NCAM1: variants seen among roughly 807,000 people sequenced by gnomAD.
The protein encoded by NCAM1 is antigen recognized by monoclonal antibody 5.1H11.
Under a neutral mutation model 109.8 loss-of-function variants are expected in NCAM1, and 14 were observed. The ratio of observed to expected loss-of-function variants is 0.13; its 90% CI spans 0.08 to 0.20. NCAM1 has a LOEUF of 0.20. Ranked by LOEUF, NCAM1 falls within the 10% of genes least tolerant of loss-of-function variation. NCAM1 has a pLI of 1.00. For missense variants in NCAM1, 774 were observed against 1,109.9 expected, an observed-to-expected ratio of 0.70 and a Z score of 4.30; for synonymous variants, 418 against 442.9, an observed-to-expected ratio of 0.94 and a Z score of 0.70.
At chr11:113,189,079 T>C (rs1943599297) in intron 1 of NCAM1, among the ~76,000 whole-genome samples, 1 of 152,126 alleles carries the variant, frequency 6.6e-6, no homozygotes, top group Admixed American at 6.5e-5. Flanking sequence ...ATACCAGTGA[T>C]CCAGGAATAA....
chr11:113,242,080 G>A (rs1031522723), intron 14 of NCAM1, among the ~76,000 whole-genome samples: 2 of 152,184 alleles, frequency 1.3e-5, no homozygotes, highest in Non-Finnish European at 2.9e-5. Context: ...AGGATAAGTC[G>A]CTAAGCCTCC....
intron 1 of NCAM1, among the ~76,000 whole-genome samples, chr11:113,184,014 A>G (rs1555108442): frequency 6.6e-6 from 1 of 152,240 alleles, no homozygotes; most frequent in Non-Finnish European, 1.5e-5. Flanking sequence ...CTATCATTCC[A>G]ATGGAAAGGG....
chr11:113,277,875 A>G lies in NCAM1; in HGVS notation c.*2488A>G, dbSNP rs1337521047. 1 of 153,756 alleles carries G rather than the reference A, an allele frequency of 6.5e-6. No individual in the cohort carries two copies. Among genetic ancestry groups the G allele is most frequent in the Admixed American group, 6.6e-5 (1 of 15,190 alleles). 9.5% of individuals were successfully genotyped at this position (153,756 alleles called of 1,614,324 possible). ...AAAAAAAAAAAAAAAAAAAAAAAAA[A>G]AGCAATGCTTTCTCTAAAATCAAAG... On this transcript the variant is annotated 3_prime_UTR_variant, in exon 20 of 20. Transcript: ENST00000316851.
chr11:113,248,674 C>T (rs955472787), intron 15 of NCAM1, among the ~76,000 whole-genome samples: 49 of 152,180 alleles, frequency 3.2e-4, no homozygotes, highest in South Asian at 2.1e-4. Flanking sequence ...ATATGCATAA[C>T]CTAAGCTGGA....
In NCAM1 at chr11:113,270,270, T is replaced by G. The variant is rs1442422766; in HGVS notation, c.2214T>G (p.Val738=). Residue 738 remains valine, a synonymous_variant, in exon 18 of 20, where the codon GTT becomes GTG. Coordinates refer to ENST00000316851, the MANE Select transcript of NCAM1 (RefSeq NM_181351.5). ...TCATCTTCGTCCTGCTCCTGGTGGT[T>G]GTGGACATCACCTGCTACTTCCTGA... ...LIVIFVLLLV[V]VDITCYFLNK... The G allele has an allele frequency of 1.2e-6, 2 of 1,614,064 alleles. No individual in the cohort carries two copies. Among genetic ancestry groups the G allele is most frequent in the East Asian group, 4.5e-5 (2 of 44,876 alleles).
At chr11:113,198,373 ATT>A (rs201270539) in intron 1 of NCAM1, among the ~76,000 whole-genome samples, 13,670 of 144,498 alleles carry the variant, frequency 0.095, 669 homozygotes, top group East Asian at 0.25. Flanking sequence ...TGATATTAGA[ATT>A]TTTTTTTTTT....
intron 6 of NCAM1, 130 bp from the exon 7 acceptor site, chr11:113,207,703 C>G: frequency 1.0e-6 from 1 of 988,030 alleles, no homozygotes. Flanking sequence ...CAACTTGGTG[C>G]CTTAACTTTT....
chr11:113,015,758 A>C (rs1952191653), intron 1 of NCAM1, among the ~76,000 whole-genome samples: 1 of 152,166 alleles, frequency 6.6e-6, no homozygotes, highest in South Asian at 2.1e-4. Flanking sequence ...AAACAAAAAA[A>C]AGAAAAAAAG....
chr11:113,107,852 G>A (rs1555092842), intron 1 of NCAM1, among the ~76,000 whole-genome samples: 1 of 152,172 alleles, frequency 6.6e-6, no homozygotes. Flanking sequence ...GTCCTCTGCA[G>A]TAATTCTAGG....
rs192873257 is a variant in NCAM1, at chr11:113,082,034, T to G, written c.53-120345T>G. ...AAATCTGCTGTACTAATATTGTCTTTTAATGTGTATGTTTAATGTGCTGTT... is the reference window on the plus strand; with the variant it reads ...AAATCTGCTGTACTAATATTGTCTTGTAATGTGTATGTTTAATGTGCTGTT... On this transcript the variant is annotated intron_variant, in intron 1 of 19. Transcript: ENST00000316851. Among the ~76,000 whole-genome samples, 258 of 152,310 alleles carry G rather than the reference T, an allele frequency of 1.7e-3. 1 individual carries two copies. The highest frequency in any genetic ancestry group is 5.9e-3 in the African/African-American group (245 of 41,562).
intron 1 of NCAM1, among the ~76,000 whole-genome samples, chr11:112,995,454 G>A (rs935604520): frequency 3.9e-5 from 6 of 152,170 alleles, no homozygotes; most frequent in African/African-American, 1.4e-4. Context: ...TAACTTAAGA[G>A]TCTTGTGGTG....
At chr11:113,096,591 T>A (rs556091783) in intron 1 of NCAM1, among the ~76,000 whole-genome samples, 1 of 152,296 alleles carries the variant, frequency 6.6e-6, no homozygotes, top group South Asian at 2.1e-4. Flanking sequence ...GTTCATCACT[T>A]TCCTTCTCTG....
intron 1 of NCAM1, among the ~76,000 whole-genome samples, chr11:113,077,095 G>A (rs1427053290): frequency 6.6e-6 from 1 of 152,126 alleles, no homozygotes; most frequent in Non-Finnish European, 1.5e-5. Flanking sequence ...CAGGTACTAG[G>A]GATGCTAGGA....
intron 1 of NCAM1, among the ~76,000 whole-genome samples, chr11:113,150,662 G>A (rs968987493): frequency 3.9e-5 from 6 of 152,170 alleles, no homozygotes; most frequent in Admixed American, 3.9e-4. Flanking sequence ...CATAAAAGGT[G>A]GAGTATCTTC....
At chr11:113,072,468 T>C (rs567999166) in intron 1 of NCAM1, among the ~76,000 whole-genome samples, 1 of 152,220 alleles carries the variant, frequency 6.6e-6, no homozygotes, top group South Asian at 2.1e-4. Flanking sequence ...GACTTTGTAG[T>C]GGTGCTTGGG....
intron 1 of NCAM1, among the ~76,000 whole-genome samples, chr11:113,115,894 T>C (rs1555094762): frequency 6.6e-6 from 1 of 152,230 alleles, no homozygotes; most frequent in Non-Finnish European, 1.5e-5. Flanking sequence ...ACTTGCCATC[T>C]TAACCATTTT....
At chr11:113,223,165 C>G (rs1284154107) in intron 9 of NCAM1, among the ~76,000 whole-genome samples, 3 of 152,160 alleles carry the variant, frequency 2.0e-5, no homozygotes, top group Non-Finnish European at 2.9e-5. Flanking sequence ...TCTGCTGCAG[C>G]CTGGGTGGTC....
chr11:113,151,146 A>G (rs973469287), intron 1 of NCAM1, among the ~76,000 whole-genome samples: 3 of 152,200 alleles, frequency 2.0e-5, no homozygotes, highest in African/African-American at 7.2e-5. Flanking sequence ...CAAGCCTAAG[A>G]ATAATGAATC....
At chr11:113,185,236 G>A (rs1943474029) in intron 1 of NCAM1, among the ~76,000 whole-genome samples, 1 of 151,902 alleles carries the variant, frequency 6.6e-6, no homozygotes, top group Non-Finnish European at 1.5e-5. Context: ...AGAACCAAGA[G>A]AGCAGATGGT....
Sources: gnomAD v4.1 joint callset for allele counts (sites outside exome capture counted in the v4.1 genomes callset) on GRCh38, gnomAD v4.1.1 for gene constraint, MANE v1.5 for transcripts, NCBI Gene and HGNC (gene_info 2026-07-23, HGNC 2026-07-21) for gene names.